MAGI2: variants seen among roughly 807,000 people sequenced by gnomAD.
MAGI2 encodes membrane-associated guanylate kinase, WW and PDZ domain-containing protein 2.
A neutral mutation model predicts 133.3 loss-of-function variants in MAGI2; 35 were observed. That is an observed-to-expected ratio of 0.26 (90% CI 0.20 to 0.35). The LOEUF is 0.35. Among genes scored for constraint, MAGI2 ranks in the 10% least tolerant of loss-of-function variants. MAGI2 has a pLI of 1.00. For missense variants in MAGI2, 1,636 were observed against 1,863.4 expected (o/e 0.88, Z 2.25); for synonymous variants, 729 against 710.6 (o/e 1.03, Z -0.41).
At chr7:78,244,669 T>C (rs1042967143) in intron 10 of MAGI2, among the ~76,000 whole-genome samples, 1 of 152,190 alleles carries the variant, frequency 6.6e-6, no homozygotes, top group African/African-American at 2.4e-5. Context: ...TGCAAAATTA[T>C]ATGTAAACAA....
At chr7:78,457,356 A>C (rs940669008) in intron 6 of MAGI2, among the ~76,000 whole-genome samples, 1 of 152,192 alleles carries the variant, frequency 6.6e-6, no homozygotes, top group African/African-American at 2.4e-5. Flanking sequence ...GAAAAGATTA[A>C]GAAGTCAGAT....
At chr7:78,139,951 T>A (rs1447036801) in intron 16 of MAGI2, among the ~76,000 whole-genome samples, 1 of 152,214 alleles carries the variant, frequency 6.6e-6, no homozygotes, top group African/African-American at 2.4e-5. Context: ...ACTGTTTTGG[T>A]AGGAATATTC....
chr7:78,959,650 A>G (rs1038752452), intron 2 of MAGI2, among the ~76,000 whole-genome samples: 22 of 152,172 alleles, frequency 1.4e-4, no homozygotes, highest in African/African-American at 4.6e-4. Flanking sequence ...ATGTTTCATT[A>G]CAATGTTAGC....
At chr7:78,499,285 C>A (rs1032266951) in intron 5 of MAGI2, among the ~76,000 whole-genome samples, 2 of 152,180 alleles carry the variant, frequency 1.3e-5, no homozygotes, top group Non-Finnish European at 2.9e-5. Context: ...CTTCTCAAGT[C>A]TATGTTATCT....
chr7:79,331,393 A>T (rs1439355397), intron 1 of MAGI2, among the ~76,000 whole-genome samples: 1 of 152,186 alleles, frequency 6.6e-6, no homozygotes, highest in African/African-American at 2.4e-5. Context: ...TTGAATTGAA[A>T]TGTCAATAAA....
At chr7:79,214,702 A>C (rs1829858165) in intron 1 of MAGI2, among the ~76,000 whole-genome samples, 1 of 139,644 alleles carries the variant, frequency 7.2e-6, no homozygotes, top group African/African-American at 2.6e-5. Context: ...TTTATACATA[A>C]ATATACATAA....
intron 2 of MAGI2, among the ~76,000 whole-genome samples, chr7:78,677,276 T>C (rs1254774008): frequency 1.3e-5 from 2 of 151,610 alleles, no homozygotes; most frequent in African/African-American, 2.4e-5. Context: ...CTTAATACTT[T>C]AGTACATGTC....
At chr7:78,654,858 T>G (rs950667714) in intron 2 of MAGI2, among the ~76,000 whole-genome samples, 1 of 151,408 alleles carries the variant, frequency 6.6e-6, no homozygotes, top group East Asian at 1.9e-4. Context: ...AGAATTCCTA[T>G]ACAGGGTTTC....
At chr7:78,531,578 C>T (rs781560148) in intron 3 of MAGI2, among the ~76,000 whole-genome samples, 2 of 151,960 alleles carry the variant, frequency 1.3e-5, no homozygotes, top group African/African-American at 2.4e-5. Context: ...TGGCTCAGTA[C>T]GTAAGAAAAG....
rs906197774 is a variant in MAGI2, at chr7:79,447,299, T to C, written c.301+5721A>G. Among the ~76,000 whole-genome samples the C allele has an allele frequency of 5.3e-5, 8 of 152,158 alleles. No homozygotes were observed. In the South Asian group the frequency reaches 1.7e-3, roughly 31 times the overall value. On this transcript the variant is annotated intron_variant, in intron 1 of 21. Transcript: ENST00000354212. ...TACTAAGTTTTCTATATAAGATAAT[T>C]TACTTTTATTAAAGGAAATATAACA...
chr7:78,950,975 T>TC (rs1404189218), intron 2 of MAGI2, among the ~76,000 whole-genome samples: 2 of 149,260 alleles, frequency 1.3e-5, no homozygotes, highest in African/African-American at 4.9e-5. Flanking sequence ...TTAGCTTTTT[T>TC]TTTTTTTTTT....
At chr7:78,986,610 C>T (rs1156293398) in intron 2 of MAGI2, among the ~76,000 whole-genome samples, 1 of 151,856 alleles carries the variant, frequency 6.6e-6, no homozygotes, top group Non-Finnish European at 1.5e-5. Flanking sequence ...CAGCCTCAAC[C>T]TCCTGGCTTC....
chr7:79,134,189 C>T (rs1379667391), intron 1 of MAGI2, among the ~76,000 whole-genome samples: 1 of 152,048 alleles, frequency 6.6e-6, no homozygotes, highest in Non-Finnish European at 1.5e-5. Flanking sequence ...CCTCTAGGTA[C>T]CTACTTTATC....
intron 6 of MAGI2, among the ~76,000 whole-genome samples, chr7:78,448,195 A>G (rs928034549): frequency 1.3e-5 from 2 of 152,046 alleles, no homozygotes; most frequent in African/African-American, 4.8e-5. Context: ...TGATTCCATT[A>G]TCTCCATATC....
chr7:78,263,692 C>T (rs1244686201), intron 9 of MAGI2, among the ~76,000 whole-genome samples: 4 of 152,128 alleles, frequency 2.6e-5, no homozygotes, highest in African/African-American at 9.7e-5. Flanking sequence ...CTAGATACTG[C>T]CTTCTACCTG....
chr7:78,750,243 G>A (rs147635582), intron 2 of MAGI2, among the ~76,000 whole-genome samples: 6,241 of 152,220 alleles, frequency 0.041, 175 homozygotes, highest in Non-Finnish European at 0.061. Flanking sequence ...AGTATTCCAT[G>A]GTGTATATGT....
At chr7:78,752,614 A>G (rs1269266847) in intron 2 of MAGI2, among the ~76,000 whole-genome samples, 1 of 152,150 alleles carries the variant, frequency 6.6e-6, no homozygotes, top group African/African-American at 2.4e-5. Context: ...AAAAAATAAA[A>G]TCTCATCATA....
chr7:78,289,783 G>A (rs1439228421), intron 9 of MAGI2, among the ~76,000 whole-genome samples: 1 of 152,190 alleles, frequency 6.6e-6, no homozygotes, highest in Non-Finnish European at 1.5e-5. Flanking sequence ...CAAGCCAGAA[G>A]AGAGTAGGGG....
intron 1 of MAGI2, among the ~76,000 whole-genome samples, chr7:79,409,113 T>A (rs531362478): frequency 1.3e-5 from 2 of 152,048 alleles, no homozygotes; most frequent in African/African-American, 2.4e-5. Context: ...TTTTCACAGA[T>A]ACCTGAGGGG....
Sources: allele counts gnomAD v4.1 joint callset (sites outside exome capture counted in the v4.1 genomes callset), GRCh38; gene constraint gnomAD v4.1.1; transcripts MANE v1.5; gene names NCBI Gene and HGNC (gene_info 2026-07-23, HGNC 2026-07-21).